GRIN2B: variants seen among roughly 807,000 people sequenced by gnomAD.
GRIN2B encodes glutamate receptor ionotropic, NMDA 2B.
GRIN2B carries 5 observed loss-of-function variants against 114.5 expected under a neutral mutation model. The ratio of observed to expected loss-of-function variants is 0.04; its 90% confidence interval spans 0.02 to 0.09. The LOEUF is 0.09. Among genes scored for constraint, GRIN2B ranks in the 10% least tolerant of loss-of-function variants. The pLI is 1.00. For missense variants in GRIN2B, 1,108 were observed against 1,943.5 expected, an observed-to-expected ratio of 0.57 and a Z score of 8.08; for synonymous variants, 787 against 745.1, an observed-to-expected ratio of 1.06 and a Z score of -0.92.
intron 3 of GRIN2B, among the ~76,000 whole-genome samples, chr12:13,816,399 A>C (rs749588940): frequency 1.7e-4 from 26 of 152,214 alleles, no homozygotes; most frequent in Non-Finnish European, 3.8e-4. Flanking sequence ...ACTTTCTAGC[A>C]GTGTTTTGAA....
At chr12:13,616,425 C>T in intron 6 of GRIN2B, 30 bp downstream of exon 6, 10 of 1,556,604 alleles carry the variant, frequency 6.4e-6, no homozygotes, top group Non-Finnish European at 8.9e-6. Context: ...CTCTCCCATG[C>T]CACCCAAAGT....
rs1866655073 is a variant in GRIN2B, at chr12:13,913,272, T to C, written c.-18-47046A>G. 3.3e-5 allele frequency among the ~76,000 whole-genome samples: 5 copies of C among 152,230 alleles called. No homozygotes were observed. In the South Asian group the frequency reaches 1.0e-3, roughly 32 times the overall value. On this transcript the variant is annotated intron_variant, in intron 2 of 13. Coordinates refer to ENST00000609686, the MANE Select transcript of GRIN2B (RefSeq NM_000834.5). ...GGTTTTAGAGGCCAGAATCTTCCAT[T>C]CAACACCCCTGATGCCCTTCCTGTA... is the stretch of plus-strand genomic sequence containing the variant.
At chr12:13,823,702 C>T (rs1399959308) in intron 3 of GRIN2B, among the ~76,000 whole-genome samples, 4 of 152,180 alleles carry the variant, frequency 2.6e-5, no homozygotes, top group South Asian at 4.1e-4. Context: ...TGAGTGGAAG[C>T]AGTAAAGGCA....
intron 3 of GRIN2B, among the ~76,000 whole-genome samples, chr12:13,840,857 A>AT (rs71436775): frequency 0.094 from 14,220 of 151,970 alleles, 918 homozygotes; most frequent in South Asian, 0.17. Flanking sequence ...TTGTCCTATC[A>AT]TTTTTTACAT....
intron 3 of GRIN2B, among the ~76,000 whole-genome samples, chr12:13,865,397 T>G (rs894624560): frequency 6.6e-6 from 1 of 152,164 alleles, no homozygotes; most frequent in African/African-American, 2.4e-5. Flanking sequence ...TGTGGGAGGC[T>G]GAGGCAGGTG....
chr12:13,878,537 G>A (rs753952142), intron 2 of GRIN2B, among the ~76,000 whole-genome samples: 14 of 152,184 alleles, frequency 9.2e-5, no homozygotes, highest in Non-Finnish European at 1.8e-4. Context: ...AATTGAGTGC[G>A]GCTTCTGTGT....
At position 13,542,100 on chromosome 12, in the gene GRIN2B, C is replaced by T. The variant is rs7977373; in HGVS notation, c.*20683G>A. On this transcript the variant is annotated 3_prime_UTR_variant, in exon 14 of 14. Coordinates refer to ENST00000609686, the MANE Select transcript of GRIN2B (RefSeq NM_000834.5). ...GATCCTTGAAAACGCTCTCTCAAGG[C>T]TTTTAAAGACTTTCATTCATTTCCA... The T allele has an allele frequency of 2.6e-5, 4 of 152,124 alleles. No individual in the cohort carries two copies. The highest frequency in any genetic ancestry group is 9.7e-5 in the African/African-American group (4 of 41,416). The allele number at this position is 152,124 out of a possible 1,614,324, so 9.4% of individuals were successfully genotyped here. A position where few individuals can be genotyped will look rare whatever the true frequency, so the allele number is the denominator to read the frequency against.
chr12:13,546,505 C>A lies in GRIN2B; in HGVS notation c.*16278G>T, dbSNP rs1254337434. 6.6e-6 allele frequency: 1 copy of A among 152,206 alleles called. No individual in the cohort carries two copies. Among genetic ancestry groups the A allele is most frequent in the Admixed American group, 6.5e-5 (1 of 15,274 alleles). The allele number at this position is 152,206 out of a possible 1,614,324, so 9.4% of individuals were successfully genotyped here. On this transcript the variant is annotated 3_prime_UTR_variant, in exon 14 of 14. Transcript: ENST00000609686. ...TGTCATCGTCTCTTCACCACCAAAC[C>A]ATTCTACCCCAATTTCCCTCTTCTT...
intron 2 of GRIN2B, among the ~76,000 whole-genome samples, chr12:13,916,897 G>A (rs1052100292): frequency 6.6e-6 from 1 of 151,984 alleles, no homozygotes; most frequent in Non-Finnish European, 1.5e-5. Context: ...AGCAATACCT[G>A]GCGTGGGGAA....
chr12:13,756,947 A>C (rs1403162526), intron 3 of GRIN2B, among the ~76,000 whole-genome samples: 2 of 152,180 alleles, frequency 1.3e-5, no homozygotes, highest in African/African-American at 4.8e-5. Flanking sequence ...ACTGCTAGCT[A>C]CTGTGTGAAG....
At chr12:13,794,904 T>C (rs1383051221) in intron 3 of GRIN2B, among the ~76,000 whole-genome samples, 2 of 152,230 alleles carry the variant, frequency 1.3e-5, no homozygotes, top group Non-Finnish European at 2.9e-5. Context: ...AGGTGTGTGC[T>C]GAAATTCAGT....
At chr12:13,573,549 AGTAAACC>A (rs1948733789) in intron 10 of GRIN2B, among the ~76,000 whole-genome samples, 1 of 151,278 alleles carries the variant, frequency 6.6e-6, no homozygotes, top group Non-Finnish European at 1.5e-5. Flanking sequence ...TGCATTTCCT[AGTAAACC>A]CACTCTCTAA....
intron 10 of GRIN2B, among the ~76,000 whole-genome samples, chr12:13,587,812 T>C (rs1209199596): frequency 2.0e-5 from 3 of 152,252 alleles, no homozygotes; most frequent in Non-Finnish European, 2.9e-5. Flanking sequence ...ACTGGTATAA[T>C]AGCTTGCCTT....
Position 13,866,132 on chromosome 12 carries a change from G to A in GRIN2B, c.77C>T (p.Ala26Val). ...GCTGGGGGGGCTCTTCTGAGAACGA[G>A]CTCTGCTGCCTGACACGGCCAGGAC... ...LAVLAVSGSR[A>V]RSQKSPPSIG... Residue 26 changes from alanine to valine, a missense_variant, in exon 3 of 14, where the codon GCT becomes GTT. Ala to Val is a moderately conservative substitution (Grantham distance 64). Coordinates refer to ENST00000609686, the MANE Select transcript of GRIN2B (RefSeq NM_000834.5). The A allele has an allele frequency of 6.2e-7, 1 of 1,613,626 alleles. No individual in the cohort carries two copies. The highest frequency in any genetic ancestry group is 1.1e-5 in the South Asian group (1 of 91,082).
intron 4 of GRIN2B, among the ~76,000 whole-genome samples, chr12:13,750,673 C>T (rs540475114): frequency 5.3e-5 from 8 of 152,304 alleles, no homozygotes; most frequent in African/African-American, 1.9e-4. Flanking sequence ...ATCAACAGTA[C>T]ATTTTTCAAG....
chr12:13,978,268 A>T (rs1301931346), intron 2 of GRIN2B, among the ~76,000 whole-genome samples: 3 of 152,230 alleles, frequency 2.0e-5, no homozygotes, highest in Admixed American at 1.3e-4. Context: ...GAGTGGAAGC[A>T]GATGGAGAAT....
intron 2 of GRIN2B, among the ~76,000 whole-genome samples, chr12:13,966,255 C>T (rs1867788282): frequency 6.6e-6 from 1 of 152,154 alleles, no homozygotes. Context: ...TATGAGAAAG[C>T]TATTGACACA....
intron 3 of GRIN2B, among the ~76,000 whole-genome samples, chr12:13,778,990 C>CA (rs1189473895): frequency 2.0e-5 from 3 of 152,138 alleles, no homozygotes; most frequent in Non-Finnish European, 1.5e-5. Flanking sequence ...ATCCCATAAC[C>CA]AGCTTCCTTT....
At chr12:13,605,526 C>CTT (rs1949230420) in intron 10 of GRIN2B, among the ~76,000 whole-genome samples, 1 of 55,030 alleles carries the variant, frequency 1.8e-5, no homozygotes, top group Non-Finnish European at 3.7e-5. Context: ...GAAAGTCTCT[C>CTT]TCTCTCTCTC....
Sources: gnomAD v4.1 joint callset for allele counts (sites outside exome capture counted in the v4.1 genomes callset) on GRCh38, gnomAD v4.1.1 for gene constraint, MANE v1.5 for transcripts, NCBI Gene and HGNC (gene_info 2026-07-23, HGNC 2026-07-21) for gene names.